The following PKLR variants were observed in gnomAD, a reference collection of about 807,000 sequenced individuals.
The protein encoded by PKLR is pyruvate kinase PKLR.
PKLR carries 38 observed loss-of-function variants against 53.6 expected under a neutral mutation model. The ratio of observed to expected loss-of-function variants is 0.71; its 90% CI spans 0.55 to 0.93. The LOEUF is 0.93. Among genes scored for constraint, PKLR ranks in the 40% least tolerant of loss-of-function variants. The probability of loss-of-function intolerance (pLI) is 0.00; values close to 1 mark genes in which losing one functional copy is unlikely to be tolerated. For missense variants in PKLR, 702 were observed against 787.3 expected (o/e 0.89, Z 1.30); for synonymous variants, 328 against 316.2 (o/e 1.04, Z -0.39).
At chr1:155,301,478 C>G (rs2148221101), upstream of PKLR, 2 of 1,604,070 alleles carry the variant, frequency 1.2e-6, no homozygotes, top group Non-Finnish European at 1.7e-6. Context: ...CTAAGGGAGA[C>G]AGAGAAGAGA....
rs768541145 is a variant in PKLR at position 155,295,176 on chromosome 1, G to A, written c.634C>T (p.Pro212Ser). Residue 212 changes from proline (P) to serine (S), a missense_variant, in exon 5 of 11, where the codon CCG becomes TCG. By Grantham distance (74) the Pro-to-Ser change is moderately conservative. This residue lies in a region of PKLR where 519 missense variants were observed against 537.1 expected (regional missense o/e 0.97). Transcript: ENST00000342741. This position sits in a 1 kb window ranked among gnomAD's most constrained non-coding sequence, Gnocchi z 4.3. Reference sequence around the variant, plus strand: ...TCAATGTAGATGCGGCCCCCCACCGGCACGACCCGGACAATATTGGGGTAG... The same window carrying A: ...TCAATGTAGATGCGGCCCCCCACCGACACGACCCGGACAATATTGGGGTAG... ...VDYPNIVRVVPVGGRIYIDDG... is the reference protein window; with the variant it reads ...VDYPNIVRVVSVGGRIYIDDG... 5.0e-6 allele frequency: 8 copies of A among 1,613,996 alleles called. No individual in the cohort carries two copies. Among genetic ancestry groups the A allele is most frequent in the Non-Finnish European group, 6.8e-6 (8 of 1,179,986 alleles).
intron 2 of PKLR, among the ~76,000 whole-genome samples, chr1:155,299,426 C>T (rs867245085): frequency 1.3e-5 from 2 of 148,338 alleles, no homozygotes; most frequent in Non-Finnish European, 3.0e-5. Context: ...TGGGCTCAAG[C>T]GATCTGCCAA....
intron 7 of PKLR, among the ~76,000 whole-genome samples, chr1:155,294,031 G>A (rs979211255): frequency 1.3e-5 from 2 of 152,222 alleles, no homozygotes; most frequent in East Asian, 1.9e-4. Flanking sequence ...TACTTGGGAG[G>A]CTGAGGCAGG....
At chr1:155,296,461 G>A (rs1207371021) in intron 2 of PKLR, among the ~76,000 whole-genome samples, 3 of 151,932 alleles carry the variant, frequency 2.0e-5, no homozygotes, top group African/African-American at 7.3e-5. Flanking sequence ...TCCTGCTTCA[G>A]CCTCCTGAGT....
the PKLR span, chr1:155,308,454 A>T: frequency 1.7e-6 from 1 of 598,236 alleles, no homozygotes; most frequent in Non-Finnish European, 2.1e-6. Flanking sequence ...GAGGAAAGCT[A>T]GTTTCAAGCA....
chr1:155,294,259 G>A lies in PKLR; in HGVS notation c.1092C>T (p.Gly364=). 6.2e-7 allele frequency: 1 copy of A among 1,614,212 alleles called. No homozygotes were observed. Among genetic ancestry groups the A allele is most frequent in the Non-Finnish European group, 8.5e-7 (1 of 1,180,050 alleles). Residue 364 remains glycine (G), a synonymous_variant, in exon 7 of 11, where the codon GGC becomes GGT. Transcript: ENST00000342741. The stretch of plus-strand genomic sequence containing the variant: ...CCTGTGTGGCACAGACAACAGGCTT[G>A]CCCGCCAAGTTGCAGCGCCCAATCA... ...KMMIGRCNLA[G]KPVVCATQML... is the part of the protein sequence containing the mutation.
At chr1:155,305,071 T>C (rs1290548251), upstream of PKLR, among the ~76,000 whole-genome samples, 1 of 152,070 alleles carries the variant, frequency 6.6e-6, no homozygotes, top group African/African-American at 2.4e-5. Flanking sequence ...ACCTCCCCAG[T>C]TGCCATTCTA....
chr1:155,293,171 C>G lies in PKLR; in HGVS notation c.1436+6G>C. ...TCCATCTGGACATTCCCAATATCCCCCTCACCGGCCAGTTGTGGTCAGCAC... is the reference window on the plus strand; with the variant it reads ...TCCATCTGGACATTCCCAATATCCCGCTCACCGGCCAGTTGTGGTCAGCAC... On this transcript the variant is annotated splice_donor_region_variant and intron_variant, in intron 9 of 10. Coordinates refer to ENST00000342741, the MANE Select transcript of PKLR (RefSeq NM_000298.6). The surrounding 1 kb of genome is among the most constrained non-coding windows in gnomAD (Gnocchi z 4.2). The G allele has an allele frequency of 6.2e-7, 1 of 1,614,134 alleles. No individual in the cohort carries two copies. Among genetic ancestry groups the G allele is most frequent in the South Asian group, 1.1e-5 (1 of 91,076 alleles).
rs3020781 is a variant in PKLR at position 155,299,985 on chromosome 1, A to G, written c.283+113T>C. On this transcript the variant is annotated intron_variant, in intron 2 of 10. Transcript: ENST00000342741. ...ACTATATGCTCAACAAATTTTTGTT[A>G]AATGAATGACTGTGTCAAACATGGA... 0.31 allele frequency: 363,323 copies of G among 1,162,072 alleles called. 65,199 individuals carry two copies. Among genetic ancestry groups the G allele is most frequent in the East Asian group, 0.72 (30,558 of 42,238 alleles). 72.0% of individuals were successfully genotyped at this position (1,162,072 alleles called of 1,614,324 possible). A position where few individuals can be genotyped will look rare whatever the true frequency, so the allele number is the denominator to read the frequency against.
At chr1:155,301,065 G>A (rs1013783004) in intron 1 of PKLR, 21 of 1,528,956 alleles carry the variant, frequency 1.4e-5, no homozygotes, top group East Asian at 2.5e-5. Context: ...CAGGAACCAC[G>A]GGAGTGCCCC....
At position 155,295,222 on chromosome 1, in the gene PKLR, G is replaced by C. The variant is rs764631858; in HGVS notation, c.588C>G (p.Asn196Lys). 2 of 1,613,930 alleles carry C rather than the reference G, an allele frequency of 1.2e-6. No homozygotes were observed. The highest frequency in any genetic ancestry group is 2.7e-5 in the African/African-American group (2 of 74,922). ...TVDPAFRTRG[N>K]ANTVWVDYPN... ...GGTAGTCCACCCACACGGTGTTCGC[G>C]TTCCCCCGCGTCCGGAACGCGGGGT... The change falls in exon 5 of 11, where the codon AAC becomes AAG. Residue 196 changes from asparagine (N) to lysine (K), a missense_variant. Asn to Lys is a moderately conservative substitution (Grantham distance 94). Transcript: ENST00000342741. The surrounding 1 kb of genome is among the most constrained non-coding windows in gnomAD (Gnocchi z 4.3).
At chr1:155,304,207 C>A (rs1040041039), upstream of PKLR, among the ~76,000 whole-genome samples, 1 of 151,946 alleles carries the variant, frequency 6.6e-6, no homozygotes, top group East Asian at 1.9e-4. Context: ...CCAAGGCAGG[C>A]GGATCACCTG....
At chr1:155,296,610 G>A (rs1241959996) in intron 2 of PKLR, among the ~76,000 whole-genome samples, 2 of 152,016 alleles carry the variant, frequency 1.3e-5, no homozygotes, top group African/African-American at 4.8e-5. Context: ...CTCCCAAAAT[G>A]CTGGGATTAC....
At chr1:155,305,240 G>T (rs967299187), upstream of PKLR, among the ~76,000 whole-genome samples, 17 of 152,214 alleles carry the variant, frequency 1.1e-4, no homozygotes, top group Admixed American at 5.2e-4. Flanking sequence ...CCATTTAAGA[G>T]AATTCTTTAT....
At chr1:155,298,956 TTC>T (rs1647766537) in intron 2 of PKLR, among the ~76,000 whole-genome samples, 1 of 22,070 alleles carries the variant, frequency 4.5e-5, no homozygotes, top group South Asian at 1.8e-3. Flanking sequence ...TTTCACTCCT[TTC>T]TTTCTTTCTT....
Position 155,298,953 on chromosome 1 carries a change from C to CCTTTCTTTCTTT in PKLR, c.283+1133_283+1144dup, listed in dbSNP as rs530027982. On this transcript the variant is annotated intron_variant, in intron 2 of 10. Transcript: ENST00000342741. Reference sequence around the variant, plus strand: ...CCACCATGCCCGGCCAACTTTCACTCCTTTCTTTCTTTCTTTCTTTCTTTC... The same window carrying CCTTTCTTTCTTT: ...CCACCATGCCCGGCCAACTTTCACTCCTTTCTTTCTTTCTTTCTTTCTTTCTTTCTTTCTTTC... Among the ~76,000 whole-genome samples the CCTTTCTTTCTTT allele has an allele frequency of 2.8e-3, 294 of 103,928 alleles. 6 individuals carry two copies. The highest frequency in any genetic ancestry group is 4.0e-3 in the Non-Finnish European group (186 of 46,046). The allele number at this position is 103,928 out of a possible 152,430, so 68.2% of individuals were successfully genotyped here.
Position 155,295,880 on chromosome 1 carries a change from C to G in PKLR, c.284-124G>C, listed in dbSNP as rs1010952844. 8.9e-6 allele frequency: 7 copies of G among 782,248 alleles called. No homozygotes were observed. In the South Asian group the frequency reaches 1.0e-4, roughly 11 times the overall value. 48.5% of individuals were successfully genotyped at this position (782,248 alleles called of 1,614,324 possible). ...CGTCCTGTTACCTGATCTTTATTCC[C>G]TGATGCAACCCCTGCCCACAGATCA... is the stretch of plus-strand genomic sequence containing the variant. On this transcript the variant is annotated intron_variant, in intron 2 of 10. Coordinates refer to ENST00000342741, the MANE Select transcript of PKLR (RefSeq NM_000298.6). The surrounding 1 kb of genome is among the most constrained non-coding windows in gnomAD (Gnocchi z 4.3).
At position 155,293,332 on chromosome 1, in the gene PKLR, C is replaced by T; in HGVS notation, c.1281G>A (p.Glu427=). 6.2e-7 allele frequency: 1 copy of T among 1,614,234 alleles called. No individual in the cohort carries two copies. Among genetic ancestry groups the T allele is most frequent in the Non-Finnish European group, 8.5e-7 (1 of 1,180,050 alleles). Residue 427 remains glutamate (E), a synonymous_variant, in exon 9 of 11, where the codon GAG becomes GAA. Transcript: ENST00000342741. This position sits in a 1 kb window ranked among gnomAD's most constrained non-coding sequence, Gnocchi z 4.2. Reference sequence around the variant, plus strand: ...GCCGGTGGTACACTGCGGCCTCTGCCTCCCGGGCAATCTGCAGGTGCCAGA... The same window carrying T: ...GCCGGTGGTACACTGCGGCCTCTGCTTCCCGGGCAATCTGCAGGTGCCAGA... The part of the protein sequence containing the change: ...AVKMQHAIAR[E]AEAAVYHRQL...
At chr1:155,301,637 ATAGATATTTTTTTTT>A (rs1254106776), upstream of PKLR, among the ~76,000 whole-genome samples, 1 of 151,580 alleles carries the variant, frequency 6.6e-6, no homozygotes, top group Admixed American at 6.6e-5. Flanking sequence ...ATCCACGTGA[ATAGATATTTTTTTTT>A]TGGCCAGTCA....
Sources: gnomAD v4.1 joint callset for allele counts (sites outside exome capture counted in the v4.1 genomes callset) on GRCh38, gnomAD v4.1.1 for gene constraint, gnomAD v4.1.1 regional missense constraint, Gnocchi (gnomAD v3.1) non-coding constraint, MANE v1.5 for transcripts, NCBI Gene and HGNC (gene_info 2026-07-23, HGNC 2026-07-21) for gene names.